Variants in STARD9 observed in about 807,000 individuals in gnomAD.
STARD9 encodes the protein stAR-related lipid transfer protein 9.
STARD9 carries 346 observed loss-of-function variants against 399.8 expected under a neutral mutation model. The ratio of observed to expected loss-of-function variants is 0.87; its 90% CI spans 0.79 to 0.95. The LOEUF is 0.95. Among genes scored for constraint, STARD9 ranks in the 40% least tolerant of loss-of-function variants. The probability of loss-of-function intolerance (pLI) is 0.00; values close to 1 mark genes in which losing one functional copy is unlikely to be tolerated. For missense variants in STARD9, 5,832 were observed against 5,667.5 expected (o/e 1.03, Z -0.93); for synonymous variants, 2,203 against 2,143.5 (o/e 1.03, Z -0.77).
chr15:42,603,926 G>T (rs2058679854), intron 3 of STARD9, among the ~76,000 whole-genome samples: 1 of 152,188 alleles, frequency 6.6e-6, no homozygotes, highest in East Asian at 1.9e-4. Context: ...AGGAGGTTAA[G>T]AATCTTGTGA....
At chr15:42,653,240 C>T (rs2059799629) in intron 9 of STARD9, among the ~76,000 whole-genome samples, 1 of 152,168 alleles carries the variant, frequency 6.6e-6, no homozygotes. Flanking sequence ...AGAAGATTCA[C>T]TTCCATTGTG....
Position 42,717,971 on chromosome 15 carries a change from C to T in STARD9, c.13560-6C>T. On this transcript the variant is annotated splice_polypyrimidine_tract_variant and splice_region_variant and intron_variant, in intron 29 of 32. Coordinates refer to ENST00000290607, the MANE Select transcript of STARD9 (RefSeq NM_020759.3). ...TCTATTTTCTGTGCTTGGTGTCTCC[C>T]CCCAGCTATCAGGGTGAGGAGCAGG... 6.5e-7 allele frequency: 1 copy of T among 1,537,054 alleles called. No homozygotes were observed. The highest frequency in any genetic ancestry group is 8.7e-7 in the Non-Finnish European group (1 of 1,146,772).
Position 42,685,707 on chromosome 15 carries a change from T to G in STARD9, c.4129T>G (p.Trp1377Gly). ...CTGTAAGGGGGAGAGGCCTGGATAC[T>G]GGCCAAATACTGAGGAACTAAAGCC... ...HSCKGERPGYWPNTEELKPSD... is the reference protein window; with the variant it reads ...HSCKGERPGYGPNTEELKPSD... Residue 1377 changes from tryptophan to glycine, a missense_variant, in exon 23 of 33, where the codon TGG becomes GGG. Transcript: ENST00000290607. 6.5e-7 allele frequency: 1 copy of G among 1,537,476 alleles called. No homozygotes were observed. The highest frequency in any genetic ancestry group is 8.7e-7 in the Non-Finnish European group (1 of 1,146,978).
chr15:42,623,172 A>C (rs2059125795), intron 3 of STARD9, among the ~76,000 whole-genome samples: 1 of 152,120 alleles, frequency 6.6e-6, no homozygotes, highest in Non-Finnish European at 1.5e-5. Context: ...GAATTGCTTG[A>C]ACCTGGGAGG....
rs1205055393 is a variant in STARD9, at chr15:42,713,685, T to C, written c.13285-2992T>C. On this transcript the variant is annotated intron_variant, in intron 26 of 32. Transcript: ENST00000290607. ...GGTCTTTTCTTTTATTAATATAGTG[T>C]ATTGCATTGATTTTTGTATGTCGAG... is the stretch of plus-strand genomic sequence containing the variant. Among the ~76,000 whole-genome samples, 7 of 152,350 alleles carry C rather than the reference T, an allele frequency of 4.6e-5. No homozygotes were observed. The South Asian group carries it at 1.2e-3, about 27-fold the overall frequency.
In STARD9 at chr15:42,718,849, G is replaced by A. The variant is rs746393551; in HGVS notation, c.13940G>A (p.Trp4647Ter). 5.2e-6 allele frequency: 8 copies of A among 1,537,112 alleles called. No homozygotes were observed. In the South Asian group the frequency reaches 8.3e-5, roughly 16 times the overall value. ...CGCGGGGAGATCCTGCCCAGTGCCTGGATCTTGCAGCCCATCACTGTGGAA... is the reference window on the plus strand; with the variant it reads ...CGCGGGGAGATCCTGCCCAGTGCCTAGATCTTGCAGCCCATCACTGTGGAA... ...MVRGEILPSA[W>*]ILQPITVEGK... The change falls in exon 32 of 33, where the codon TGG (tryptophan) becomes TAG (stop). Residue 4647 changes from tryptophan to a stop codon, truncating the protein, a stop_gained. Transcript: ENST00000290607. LOFTEE classifies it high-confidence loss of function.
intron 10 of STARD9, among the ~76,000 whole-genome samples, chr15:42,661,813 G>T (rs1403913729): frequency 2.0e-5 from 3 of 152,066 alleles, no homozygotes; most frequent in Non-Finnish European, 4.4e-5. Flanking sequence ...CAGATTATTA[G>T]GAGGTTGGTG....
chr15:42,714,513 T>C (rs1285991772), intron 26 of STARD9, among the ~76,000 whole-genome samples: 1 of 152,246 alleles, frequency 6.6e-6, no homozygotes, highest in Non-Finnish European at 1.5e-5. Context: ...AAAATTTCCC[T>C]CTGAGCATTG....
chr15:42,577,234 A>C (rs555489776), intron 1 of STARD9, among the ~76,000 whole-genome samples: 1 of 152,096 alleles, frequency 6.6e-6, no homozygotes, highest in Admixed American at 6.5e-5. Flanking sequence ...GCTCACTGCA[A>C]GCTCCGCCTC....
intron 7 of STARD9, among the ~76,000 whole-genome samples, chr15:42,642,759 T>C (rs1595693757): frequency 6.6e-6 from 1 of 152,334 alleles, no homozygotes; most frequent in Non-Finnish European, 1.5e-5. Flanking sequence ...AGATATTCTA[T>C]ATGCTTCTCA....
intron 3 of STARD9, among the ~76,000 whole-genome samples, chr15:42,601,517 G>A (rs1365069860): frequency 3.3e-4 from 49 of 146,920 alleles, no homozygotes; most frequent in African/African-American, 9.4e-4. Context: ...CGGATGGGGC[G>A]GCTGGCCGGG....
At chr15:42,600,171 A>G (rs918835731) in intron 3 of STARD9, among the ~76,000 whole-genome samples, 4 of 152,166 alleles carry the variant, frequency 2.6e-5, no homozygotes, top group Admixed American at 6.6e-5. Flanking sequence ...CCTAGAGGAG[A>G]TGAAGACCAA....
chr15:42,682,451 C>T lies in STARD9; in HGVS notation c.2413C>T (p.Pro805Ser), dbSNP rs755284976. ...GCTCCAGGATGACAGCACCCAGGAGCCCCCATACCAGGTCCTCAGCCCTGA... is the reference window on the plus strand; with the variant it reads ...GCTCCAGGATGACAGCACCCAGGAGTCCCCATACCAGGTCCTCAGCCCTGA... ...CWLQDDSTQE[P>S]PYQVLSPDAT... Residue 805 changes from proline to serine, a missense_variant, in exon 22 of 33, where the codon CCC becomes TCC. By Grantham distance (74) the Pro-to-Ser change is moderately conservative. This residue lies in a region of STARD9 where 5,828 missense variants were observed against 5,651.1 expected (regional missense o/e 1.03). Transcript: ENST00000290607. 3.9e-6 allele frequency: 6 copies of T among 1,537,034 alleles called. No individual in the cohort carries two copies. Among genetic ancestry groups the T allele is most frequent in the East Asian group, 2.4e-5 (1 of 40,924 alleles).
Position 42,689,697 on chromosome 15 carries a change from G to C in STARD9, c.8119G>C (p.Asp2707His), listed in dbSNP as rs1313985808. ...SSSEIIEKKK[D>H]ATRTPSSADP... ...TTCTGAAATCATAGAGAAAAAGAAAGATGCAACCAGAACACCTTCCTCAGC... is the reference window on the plus strand; with the variant it reads ...TTCTGAAATCATAGAGAAAAAGAAACATGCAACCAGAACACCTTCCTCAGC... The change falls in exon 23 of 33, where the codon GAT becomes CAT. Residue 2707 changes from aspartate (D) to histidine (H), a missense_variant. Coordinates refer to ENST00000290607, the MANE Select transcript of STARD9 (RefSeq NM_020759.3). 2 of 1,537,878 alleles carry C rather than the reference G, an allele frequency of 1.3e-6. No homozygotes were observed. Among genetic ancestry groups the C allele is most frequent in the Admixed American group, 3.9e-5 (2 of 51,010 alleles).
At chr15:42,631,281 C>T (rs969551397) in intron 3 of STARD9, among the ~76,000 whole-genome samples, 1 of 152,038 alleles carries the variant, frequency 6.6e-6, no homozygotes, top group Admixed American at 6.6e-5. Flanking sequence ...TTTCCGTATC[C>T]ATTTGTTTCA....
At chr15:42,675,449 A>G (rs1002153746) in intron 18 of STARD9, 46 of 551,694 alleles carry the variant, frequency 8.3e-5, no homozygotes, top group Non-Finnish European at 1.2e-4. Flanking sequence ...CTGGAACTCA[A>G]CTTCCTTTCC....
chr15:42,693,070 C>T lies in STARD9; in HGVS notation c.11492C>T (p.Pro3831Leu). The change falls in exon 23 of 33, where the codon CCT becomes CTT. Residue 3831 changes from proline (P) to leucine (L), a missense_variant. Physicochemically the swap from Pro to Leu is moderately conservative, Grantham distance 98 (BLOSUM62 -3). This residue lies in a region of STARD9 where 5,828 missense variants were observed against 5,651.1 expected (regional missense o/e 1.03). Coordinates refer to ENST00000290607, the MANE Select transcript of STARD9 (RefSeq NM_020759.3). ...FQKAPVGQHLPSVSPSVSDAF... is the reference protein window; with the variant it reads ...FQKAPVGQHLLSVSPSVSDAF... Reference sequence around the variant, plus strand: ...AAAGCCCCCGTTGGGCAGCATCTTCCTTCTGTGAGCCCCTCAGTTTCTGAT... The same window carrying T: ...AAAGCCCCCGTTGGGCAGCATCTTCTTTCTGTGAGCCCCTCAGTTTCTGAT... 1.3e-6 allele frequency: 2 copies of T among 1,537,176 alleles called. No homozygotes were observed. The highest frequency in any genetic ancestry group is 2.4e-5 in the East Asian group (1 of 40,914).
At chr15:42,649,359 T>A (rs1464847407) in intron 7 of STARD9, among the ~76,000 whole-genome samples, 1 of 152,228 alleles carries the variant, frequency 6.6e-6, no homozygotes, top group Non-Finnish European at 1.5e-5. Flanking sequence ...TGTCTCTCTG[T>A]GCTAAATTTT....
chr15:42,651,390 C>G (rs2059759710), intron 8 of STARD9, among the ~76,000 whole-genome samples: 1 of 152,132 alleles, frequency 6.6e-6, no homozygotes. Flanking sequence ...AGGGTTCTTA[C>G]CTGCATTGTC....
Sources: gnomAD v4.1 joint callset for allele counts (sites outside exome capture counted in the v4.1 genomes callset) on GRCh38, gnomAD v4.1.1 for gene constraint, gnomAD v4.1.1 regional missense constraint, MANE v1.5 for transcripts, NCBI Gene and HGNC (gene_info 2026-07-23, HGNC 2026-07-21) for gene names.